PLCB1: variants seen among roughly 807,000 people sequenced by gnomAD.
PLCB1 encodes phospholipase C beta 1, also known as 1-phosphatidylinositol 4,5-bisphosphate phosphodiesterase beta-1.
A neutral mutation model predicts 161.8 loss-of-function variants in PLCB1; 46 were observed. The ratio of observed to expected loss-of-function variants is 0.28; its 90% CI spans 0.22 to 0.36. The LOEUF is 0.36. Among genes scored for constraint, PLCB1 ranks in the 10% least tolerant of loss-of-function variants. PLCB1 has a pLI of 1.00. For synonymous variants in PLCB1, 517 were observed against 503.7 expected (o/e 1.03, Z -0.35); for missense variants, 1,016 against 1,472.5 (o/e 0.69, Z 5.07).
At position 8,433,688 on chromosome 20, in the gene PLCB1, G is replaced by A. The variant is rs961101781; in HGVS notation, c.246+62238G>A. ...ATAGAGTTAATGTTCAGTAAATGACGAGTGTATCCTTCTCCTCTTCCTCCT... is the reference window on the plus strand; with the variant it reads ...ATAGAGTTAATGTTCAGTAAATGACAAGTGTATCCTTCTCCTCTTCCTCCT... On this transcript the variant is annotated intron_variant, in intron 3 of 31. Transcript: ENST00000338037. Among the ~76,000 whole-genome samples, 6 of 146,332 alleles carry A rather than the reference G, an allele frequency of 4.1e-5. 1 individual carries two copies. The highest frequency in any genetic ancestry group is 1.3e-4 in the African/African-American group (5 of 38,586).
intron 3 of PLCB1, among the ~76,000 whole-genome samples, chr20:8,499,782 C>A (rs1983328852): frequency 6.6e-6 from 1 of 152,158 alleles, no homozygotes. Flanking sequence ...ATTCACAAAA[C>A]TTTTCTCTCA....
At chr20:8,188,579 C>T (rs1398741857) in intron 2 of PLCB1, among the ~76,000 whole-genome samples, 1 of 152,088 alleles carries the variant, frequency 6.6e-6, no homozygotes, top group Non-Finnish European at 1.5e-5. Context: ...ATGTTTATGA[C>T]ATTATTATGT....
At chr20:8,754,862 T>C (rs925752049) in intron 23 of PLCB1, among the ~76,000 whole-genome samples, 14 of 152,316 alleles carry the variant, frequency 9.2e-5, no homozygotes, top group Middle Eastern at 3.4e-3. Context: ...ATGTACTCCA[T>C]TGGGACCATG....
At chr20:8,818,063 G>A (rs1322070811) in intron 31 of PLCB1, among the ~76,000 whole-genome samples, 1 of 152,184 alleles carries the variant, frequency 6.6e-6, no homozygotes. Context: ...CAAGAGGCAC[G>A]AAGGATAGAA....
intron 1 of PLCB1, among the ~76,000 whole-genome samples, chr20:8,143,779 G>A (rs2051427029): frequency 6.6e-6 from 1 of 152,168 alleles, no homozygotes; most frequent in Non-Finnish European, 1.5e-5. Context: ...TGGTTGGATG[G>A]CAAGGGCCTG....
At position 8,812,556 on chromosome 20, in the gene PLCB1, G is replaced by A. The variant is rs373848203; in HGVS notation, c.3423+22295G>A. Among the ~76,000 whole-genome samples, 140 of 152,266 alleles carry A rather than the reference G, an allele frequency of 9.2e-4. 1 individual carries two copies. The highest frequency in any genetic ancestry group is 3.2e-3 in the African/African-American group (132 of 41,560). ...TGGCCAGACTCTACCGGGGCATCTCGCCCCAAATGGCCAGCAGTCTTGTGT... is the reference window on the plus strand; with the variant it reads ...TGGCCAGACTCTACCGGGGCATCTCACCCCAAATGGCCAGCAGTCTTGTGT... On this transcript the variant is annotated intron_variant, in intron 31 of 31. Coordinates refer to ENST00000338037, the MANE Select transcript of PLCB1 (RefSeq NM_015192.4).
At chr20:8,284,762 T>C (rs1983035161) in intron 2 of PLCB1, among the ~76,000 whole-genome samples, 1 of 152,112 alleles carries the variant, frequency 6.6e-6, no homozygotes, top group African/African-American at 2.4e-5. Context: ...TCTGGAAATG[T>C]TTCCTTCCAC....
Position 8,823,702 on chromosome 20 carries a change from A to G in PLCB1, c.3423+33441A>G, listed in dbSNP as rs192023218. Among the ~76,000 whole-genome samples, 79 of 152,276 alleles carry G rather than the reference A, an allele frequency of 5.2e-4. 2 individuals carry two copies. The highest frequency in any genetic ancestry group is 3.4e-3 in the Middle Eastern group (1 of 294). The stretch of plus-strand genomic sequence containing the variant: ...ATTCCCTAGTGGCATCTTTGTTTCT[A>G]TGGAATGCTCTGATTCAATTTATAT... On this transcript the variant is annotated intron_variant, in intron 31 of 31. Transcript: ENST00000338037.
rs779772596 is a variant in PLCB1 at position 8,235,869 on chromosome 20, C to G, written c.177+85498C>G. On this transcript the variant is annotated intron_variant, in intron 2 of 31. Coordinates refer to ENST00000338037, the MANE Select transcript of PLCB1 (RefSeq NM_015192.4). Reference sequence around the variant, plus strand: ...AAACCTCAAGCTCAAATATAAAGGACCTATATTTAAAAAAAATCTTAAGGC... The same window carrying G: ...AAACCTCAAGCTCAAATATAAAGGAGCTATATTTAAAAAAAATCTTAAGGC... Among the ~76,000 whole-genome samples the G allele has an allele frequency of 6.1e-4, 92 of 151,774 alleles. 2 individuals are homozygous for G. The highest frequency in any genetic ancestry group is 2.6e-4 in the Non-Finnish European group (18 of 67,932).
chr20:8,666,210 C>G (rs2123347869), intron 9 of PLCB1, among the ~76,000 whole-genome samples: 1 of 152,300 alleles, frequency 6.6e-6, no homozygotes, highest in East Asian at 1.9e-4. Context: ...TGATACCCTT[C>G]TCCTTCTTAG....
intron 3 of PLCB1, among the ~76,000 whole-genome samples, chr20:8,395,604 C>T (rs1987747244): frequency 1.3e-5 from 2 of 151,882 alleles, no homozygotes; most frequent in South Asian, 4.1e-4. Context: ...GGATATTTCA[C>T]ATGAGTTGGT....
intron 1 of PLCB1, among the ~76,000 whole-genome samples, chr20:8,136,339 A>G (rs757479902): frequency 3.3e-5 from 5 of 152,134 alleles, no homozygotes; most frequent in Admixed American, 6.5e-5. Flanking sequence ...TTTAAAAGTT[A>G]TTGTCGGCCG....
At chr20:8,393,442 C>T (rs919172632) in intron 3 of PLCB1, among the ~76,000 whole-genome samples, 1 of 151,982 alleles carries the variant, frequency 6.6e-6, no homozygotes, top group South Asian at 2.1e-4. Context: ...AAGGCCGAAG[C>T]AGGAGGATTG....
chr20:8,341,498 C>T (rs1985807567), intron 2 of PLCB1, among the ~76,000 whole-genome samples: 1 of 152,138 alleles, frequency 6.6e-6, no homozygotes, highest in African/African-American at 2.4e-5. Context: ...TTCTGGGACA[C>T]CGGATTTGCT....
intron 2 of PLCB1, among the ~76,000 whole-genome samples, chr20:8,223,048 G>A (rs1263998117): frequency 6.6e-6 from 1 of 152,088 alleles, no homozygotes; most frequent in East Asian, 1.9e-4. Flanking sequence ...CCACTGATAG[G>A]TAAATGTTCC....
At chr20:8,605,161 T>G (rs970552017) in intron 3 of PLCB1, among the ~76,000 whole-genome samples, 2 of 152,108 alleles carry the variant, frequency 1.3e-5, no homozygotes, top group African/African-American at 4.8e-5. Context: ...CTCTCAGAAC[T>G]GAGAAGTAAA....
chr20:8,294,677 T>A (rs1024116143), intron 2 of PLCB1, among the ~76,000 whole-genome samples: 1 of 150,292 alleles, frequency 6.7e-6, no homozygotes, highest in Non-Finnish European at 1.5e-5. Context: ...AAGTGCTTGT[T>A]CTCTGCTAGT....
chr20:8,476,095 A>C (rs185459078), intron 3 of PLCB1, among the ~76,000 whole-genome samples: 33 of 152,332 alleles, frequency 2.2e-4, no homozygotes, highest in Non-Finnish European at 3.7e-4. Flanking sequence ...GGCACCAACC[A>C]AAACACTGTG....
intron 9 of PLCB1, among the ~76,000 whole-genome samples, chr20:8,669,878 G>A (rs1989902305): frequency 1.3e-5 from 2 of 152,216 alleles, no homozygotes; most frequent in African/African-American, 4.8e-5. Flanking sequence ...TGTAAATAAA[G>A]TGAAGGCCAT....
Sources: allele counts gnomAD v4.1 joint callset (sites outside exome capture counted in the v4.1 genomes callset), GRCh38; gene constraint gnomAD v4.1.1; transcripts MANE v1.5; gene names NCBI Gene and HGNC (gene_info 2026-07-23, HGNC 2026-07-21).